The following CCDC57 variants were observed in gnomAD, a reference collection of about 807,000 sequenced individuals.
CCDC57 encodes the protein coiled-coil domain containing 57.
CCDC57 carries 118 observed loss-of-function variants against 118.9 expected under a neutral mutation model. That is an observed-to-expected ratio of 0.99 (90% CI 0.86 to 1.16). The LOEUF (loss-of-function observed/expected upper bound fraction) is 1.16, where lower values mean the gene tolerates loss of function less well. CCDC57 is among the 50% of genes most tolerant of loss of function. The pLI, the probability that CCDC57 is intolerant of heterozygous loss-of-function variation, is 0.00. For missense variants in CCDC57, 1,300 were observed against 1,320.7 expected, an observed-to-expected ratio of 0.98 and a Z score of 0.24; for synonymous variants, 527 against 532.9, an observed-to-expected ratio of 0.99 and a Z score of 0.15.
At chr17:82,126,774 G>C in intron 19 of CCDC57, 1 of 985,458 alleles carries the variant, frequency 1.0e-6, no homozygotes, top group Non-Finnish European at 1.2e-6. Context: ...CAGCCTGTAA[G>C]GTTACTATTC....
At chr17:82,116,007 C>T (rs2035855169) in intron 19 of CCDC57, among the ~76,000 whole-genome samples, 1 of 150,758 alleles carries the variant, frequency 6.6e-6, no homozygotes, top group Admixed American at 6.6e-5. Flanking sequence ...CCATCTTGGC[C>T]AGGCTGGTCT....
Position 82,166,942 on chromosome 17 carries a change from C to A in CCDC57, c.1883-3585G>T, listed in dbSNP as rs867555435. ...AAAACAACAACCACAACAACAACAA[C>A]AAAAAAAAAGGAAAAAGAAACCCAA... On this transcript the variant is annotated intron_variant, in intron 13 of 19. Coordinates refer to ENST00000665763, the Ensembl canonical transcript of CCDC57. Among the ~76,000 whole-genome samples the A allele has an allele frequency of 1.8e-4, 27 of 148,162 alleles. No homozygotes were observed. The East Asian group carries it at 2.2e-3, about 12-fold the overall frequency.
chr17:82,139,213 C>CT (rs1236559196), intron 16 of CCDC57, among the ~76,000 whole-genome samples: 1 of 152,204 alleles, frequency 6.6e-6, no homozygotes, highest in Admixed American at 6.5e-5. Context: ...TTTTTGGACT[C>CT]TGTTTCCAGA....
chr17:82,191,025 T>C (rs771496088), intron 7 of CCDC57, among the ~76,000 whole-genome samples: 3 of 151,820 alleles, frequency 2.0e-5, no homozygotes, highest in Non-Finnish European at 4.4e-5. Flanking sequence ...TGAAGAAAGC[T>C]GTGTCTAGAT....
chr17:82,149,413 C>T (rs962666568), intron 16 of CCDC57, among the ~76,000 whole-genome samples: 6 of 152,154 alleles, frequency 3.9e-5, no homozygotes, highest in South Asian at 2.1e-4. Context: ...AAGTCAGCTC[C>T]GGTGTCTGTG....
At chr17:82,207,149 A>C (rs1448550194) in intron 2 of CCDC57, among the ~76,000 whole-genome samples, 1 of 152,096 alleles carries the variant, frequency 6.6e-6, no homozygotes, top group Non-Finnish European at 1.5e-5. Flanking sequence ...GAGACCAGCC[A>C]GGGCCACACG....
At chr17:82,169,372 A>G (rs1168212864) in intron 13 of CCDC57, among the ~76,000 whole-genome samples, 1 of 152,006 alleles carries the variant, frequency 6.6e-6, no homozygotes, top group Non-Finnish European at 1.5e-5. Flanking sequence ...CAGGTGATCC[A>G]CCCACCTCGG....
In CCDC57 at chr17:82,172,156, G is replaced by A. The variant is rs1379023214; in HGVS notation, c.1730-303C>T. ...ACCTGCCGCCAGCCCACGTGCCTCT[G>A]TGCAGAGGGGCCAAGTCCCATCTCG... On this transcript the variant is annotated intron_variant, in intron 12 of 19. Coordinates refer to ENST00000665763, the Ensembl canonical transcript of CCDC57. This position sits in a 1 kb window ranked among gnomAD's most constrained non-coding sequence, Gnocchi z 5.2. 6.6e-6 allele frequency among the ~76,000 whole-genome samples: 1 copy of A among 152,222 alleles called. No individual in the cohort carries two copies. The highest frequency in any genetic ancestry group is 1.5e-5 in the Non-Finnish European group (1 of 68,040).
chr17:82,113,180 C>G, intron 19 of CCDC57: 4 of 582,266 alleles, frequency 6.9e-6, no homozygotes, highest in Non-Finnish European at 1.2e-5. Context: ...TCCAAGACTG[C>G]CCTGTCCTTT....
intron 14 of CCDC57, 23 bp from the exon 14 acceptor site, chr17:82,157,971 T>C (rs2042876099): frequency 1.3e-6 from 2 of 1,544,840 alleles, no homozygotes; most frequent in Admixed American, 2.0e-5. Context: ...TCAAAGGCAG[T>C]GTGAGGAATG....
chr17:82,199,477 C>CAAAAAAAAAGAAAAA (rs764349812), intron 3 of CCDC57, among the ~76,000 whole-genome samples: 1 of 87,718 alleles, frequency 1.1e-5, no homozygotes, highest in Non-Finnish European at 2.2e-5. Context: ...GACTCTGTCT[C>CAAAAAAAAAGAAAAA]AAAAAAAAAA....
intron 8 of CCDC57, chr17:82,184,843 G>C (rs1006163707): frequency 2.0e-5 from 3 of 152,328 alleles, no homozygotes; most frequent in African/African-American, 7.2e-5. Flanking sequence ...CAGCTGAAAA[G>C]AGACACCATC....
chr17:82,155,850 C>T (rs1279817943), intron 15 of CCDC57: 1 of 152,292 alleles, frequency 6.6e-6, no homozygotes, highest in African/African-American at 2.4e-5. Flanking sequence ...ACAGGATGCT[C>T]AGACCCAGGA....
exon 10 of CCDC57, chr17:82,179,183 C>A: frequency 6.2e-7 from 1 of 1,613,370 alleles, no homozygotes; most frequent in South Asian, 1.1e-5. Context: ...ACAGCTGTTG[C>A]TTGTACCTAA....
chr17:82,182,926 T>A (rs1314426482), intron 9 of CCDC57, among the ~76,000 whole-genome samples: 3 of 152,164 alleles, frequency 2.0e-5, no homozygotes, highest in Non-Finnish European at 4.4e-5. Flanking sequence ...CCTCAAGTGA[T>A]CTGACAGCCT....
At chr17:82,104,658 C>T (rs1453911074) in intron 19 of CCDC57, 1 of 152,296 alleles carries the variant, frequency 6.6e-6, no homozygotes, top group Non-Finnish European at 1.5e-5. Context: ...CCTGCCTCAG[C>T]CTCCCGAGTA....
chr17:82,118,170 A>G lies in CCDC57; in HGVS notation c.2899+9522T>C, dbSNP rs934139047. Among the ~76,000 whole-genome samples the G allele has an allele frequency of 1.2e-4, 18 of 152,162 alleles. No individual in the cohort carries two copies. Among genetic ancestry groups the G allele is most frequent in the Admixed American group, 6.5e-5 (1 of 15,270 alleles). The stretch of plus-strand genomic sequence containing the variant: ...ATTGACAAGAAAAGAGGATATACAC[A>G]TATATTTAAAAAACCACTTCTGTTC... On this transcript the variant is annotated intron_variant, in intron 19 of 19. Coordinates refer to ENST00000665763, the Ensembl canonical transcript of CCDC57. This position sits in a 1 kb window ranked among gnomAD's most constrained non-coding sequence, Gnocchi z 4.7.
At chr17:82,151,162 C>T (rs113299202) in intron 16 of CCDC57, among the ~76,000 whole-genome samples, 202 of 62,404 alleles carry the variant, frequency 3.2e-3, no homozygotes, top group East Asian at 0.023. Context: ...TAGAACCAGG[C>T]GCACACCCAG....
chr17:82,114,751 A>G (rs531979170), intron 19 of CCDC57, among the ~76,000 whole-genome samples: 1 of 152,198 alleles, frequency 6.6e-6, no homozygotes, highest in Admixed American at 6.5e-5. Context: ...AACCTCTAAA[A>G]TTGTAAACAT....
Sources: gnomAD v4.1 joint callset for allele counts (sites outside exome capture counted in the v4.1 genomes callset) on GRCh38, gnomAD v4.1.1 for gene constraint, Gnocchi (gnomAD v3.1) non-coding constraint, MANE v1.5 for transcripts, NCBI Gene and HGNC (gene_info 2026-07-23, HGNC 2026-07-21) for gene names.